The following GRXCR1 variants were observed in gnomAD, a reference collection of about 807,000 sequenced individuals.
GRXCR1 encodes glutaredoxin and cysteine rich domain containing 1.
In GRXCR1, 27 loss-of-function variants were observed where a neutral mutation model predicts 27.3. The observed-to-expected ratio is 0.99, with a 90% CI of 0.73 to 1.37. The LOEUF is 1.37. Among genes scored for constraint, GRXCR1 ranks in the 40% most tolerant of loss-of-function variants. GRXCR1 has a pLI of 0.00. For synonymous variants in GRXCR1, 122 were observed against 131.1 expected, an observed-to-expected ratio of 0.93 and a Z score of 0.47; for missense variants, 379 against 354.4, an observed-to-expected ratio of 1.07 and a Z score of -0.56.
chr4:42,982,866 G>A (rs1397127495), intron 2 of GRXCR1, among the ~76,000 whole-genome samples: 2 of 151,512 alleles, frequency 1.3e-5, no homozygotes, highest in African/African-American at 4.8e-5. Flanking sequence ...TTTGAGAAGT[G>A]TCTGTTCATG....
intron 1 of GRXCR1, among the ~76,000 whole-genome samples, chr4:42,901,264 A>G (rs1251062514): frequency 1.3e-5 from 2 of 152,278 alleles, no homozygotes; most frequent in Non-Finnish European, 1.5e-5. Flanking sequence ...TCAAATCACT[A>G]CAAACTTAGA....
intron 1 of GRXCR1, among the ~76,000 whole-genome samples, chr4:42,922,737 C>A (rs982730896): frequency 6.6e-6 from 1 of 151,946 alleles, no homozygotes; most frequent in Non-Finnish European, 1.5e-5. Context: ...AATATATTCC[C>A]CTTGCTGTCT....
chr4:43,001,332 C>T (rs1019840603), intron 2 of GRXCR1, among the ~76,000 whole-genome samples: 51 of 152,070 alleles, frequency 3.4e-4, no homozygotes, highest in African/African-American at 1.1e-3. Flanking sequence ...AGCTAAGTCC[C>T]ATCGTGCCTC....
At chr4:42,897,388 C>T (rs1266897663) in intron 1 of GRXCR1, among the ~76,000 whole-genome samples, 1 of 151,870 alleles carries the variant, frequency 6.6e-6, no homozygotes, top group East Asian at 1.9e-4. Context: ...ATTTCCTTTC[C>T]TTCTCCAAAT....
intron 1 of GRXCR1, 45 bp downstream of exon 1, chr4:42,893,695 A>G: frequency 7.6e-6 from 12 of 1,573,034 alleles, no homozygotes; most frequent in Non-Finnish European, 9.6e-6. Flanking sequence ...TTCCTAACTC[A>G]CCATCTGAAC....
intron 1 of GRXCR1, among the ~76,000 whole-genome samples, chr4:42,939,126 A>C (rs898302713): frequency 2.0e-5 from 3 of 151,800 alleles, no homozygotes; most frequent in Admixed American, 1.3e-4. Flanking sequence ...GATTCTTCCA[A>C]CTCATGAACA....
chr4:43,023,472 G>A (rs978837635), intron 3 of GRXCR1, among the ~76,000 whole-genome samples: 3 of 152,134 alleles, frequency 2.0e-5, no homozygotes, highest in East Asian at 1.9e-4. Context: ...AAGCTGAGTC[G>A]ATCTGATTTG....
chr4:43,009,683 C>A (rs1712676409), intron 2 of GRXCR1, among the ~76,000 whole-genome samples: 1 of 152,208 alleles, frequency 6.6e-6, no homozygotes, highest in African/African-American at 2.4e-5. Context: ...CACAAAGCAG[C>A]TCTCTGGGTC....
At chr4:42,918,702 G>A (rs58605554) in intron 1 of GRXCR1, among the ~76,000 whole-genome samples, 10 of 151,952 alleles carry the variant, frequency 6.6e-5, no homozygotes, top group Non-Finnish European at 1.5e-4. Context: ...AAGCATCTAA[G>A]TTAACTCACA....
At chr4:43,014,201 C>G (rs890662180) in intron 2 of GRXCR1, among the ~76,000 whole-genome samples, 3 of 152,116 alleles carry the variant, frequency 2.0e-5, no homozygotes, top group Admixed American at 2.0e-4. Flanking sequence ...GATATTGTTA[C>G]ACCTGCCTTG....
At chr4:42,955,514 A>G (rs13105520) in intron 1 of GRXCR1, among the ~76,000 whole-genome samples, 1 of 151,774 alleles carries the variant, frequency 6.6e-6, no homozygotes, top group South Asian at 2.1e-4. Context: ...ATGGTGCACA[A>G]CTGAGTTCCA....
At chr4:42,893,732 G>C (rs572578120) in intron 1 of GRXCR1, 82 bp downstream of exon 1, 2 of 1,375,480 alleles carry the variant, frequency 1.5e-6, no homozygotes, top group East Asian at 4.6e-5. Context: ...GTTAAAGCAA[G>C]CCTCTCTTAT....
intron 2 of GRXCR1, among the ~76,000 whole-genome samples, chr4:42,988,929 C>G (rs1351725836): frequency 6.6e-6 from 1 of 152,116 alleles, no homozygotes; most frequent in Non-Finnish European, 1.5e-5. Context: ...TTATAATCAT[C>G]TCTCCATATA....
chr4:42,976,645 T>C (rs1185755288), intron 2 of GRXCR1, among the ~76,000 whole-genome samples: 2 of 151,982 alleles, frequency 1.3e-5, no homozygotes, highest in Non-Finnish European at 2.9e-5. Context: ...CAAATATTCT[T>C]TTGCATGTAT....
At chr4:42,952,237 T>G (rs1358505714) in intron 1 of GRXCR1, among the ~76,000 whole-genome samples, 1 of 152,196 alleles carries the variant, frequency 6.6e-6, no homozygotes, top group Non-Finnish European at 1.5e-5. Context: ...AGGGCTTTAT[T>G]ACTCCAGTAT....
At chr4:42,901,855 T>C (rs970598166) in intron 1 of GRXCR1, among the ~76,000 whole-genome samples, 1 of 152,188 alleles carries the variant, frequency 6.6e-6, no homozygotes, top group African/African-American at 2.4e-5. Flanking sequence ...GCTTTGGTCT[T>C]GACCATGTGA....
chr4:42,922,490 G>A (rs1747037343), intron 1 of GRXCR1, among the ~76,000 whole-genome samples: 1 of 152,164 alleles, frequency 6.6e-6, no homozygotes, highest in African/African-American at 2.4e-5. Flanking sequence ...GGCTCTGGAA[G>A]CAGGCTTGGG....
intron 1 of GRXCR1, among the ~76,000 whole-genome samples, chr4:42,935,891 T>C (rs1043610992): frequency 6.6e-6 from 1 of 151,948 alleles, no homozygotes; most frequent in Non-Finnish European, 1.5e-5. Flanking sequence ...TTCTTTACTC[T>C]GGGATGTTCC....
chr4:42,924,958 A>G (rs764173480), intron 1 of GRXCR1, among the ~76,000 whole-genome samples: 2 of 152,012 alleles, frequency 1.3e-5, no homozygotes, highest in African/African-American at 4.8e-5. Flanking sequence ...CCTGTAAACA[A>G]TATGCATTTG....
Sources: allele counts gnomAD v4.1 joint callset (sites outside exome capture counted in the v4.1 genomes callset), GRCh38; gene constraint gnomAD v4.1.1; transcripts MANE v1.5; gene names NCBI Gene and HGNC (gene_info 2026-07-23, HGNC 2026-07-21).